Variants in ZNF512B observed in about 807,000 individuals in gnomAD.
The protein encoded by ZNF512B is zinc finger protein 512B.
Under a neutral mutation model 87.8 loss-of-function variants are expected in ZNF512B, and 22 were observed. The ratio of observed to expected loss-of-function variants is 0.25; its 90% CI spans 0.18 to 0.36. The LOEUF is 0.36. Among genes scored for constraint, ZNF512B ranks in the 10% least tolerant of loss-of-function variants. ZNF512B has a pLI of 1.00. For missense variants in ZNF512B, 1,060 were observed against 1,231.6 expected, an observed-to-expected ratio of 0.86 and a Z score of 2.09; for synonymous variants, 524 against 490.9, an observed-to-expected ratio of 1.07 and a Z score of -0.89.
At chr20:63,968,068 G>A (rs2058946357) in intron 1 of ZNF512B, 116 bp from the exon 2 acceptor site, 6 of 1,319,780 alleles carry the variant, frequency 4.5e-6, no homozygotes, top group South Asian at 2.8e-5. Context: ...AGAGGGGCCT[G>A]CCTTCCTGTG....
In ZNF512B at chr20:63,964,398, C is replaced by T. The variant is rs2058896629; in HGVS notation, c.1262-7G>A. 1.2e-6 allele frequency: 2 copies of T among 1,613,782 alleles called. No individual in the cohort carries two copies. The highest frequency in any genetic ancestry group is 8.5e-7 in the Non-Finnish European group (1 of 1,179,880). On this transcript the variant is annotated splice_region_variant and splice_polypyrimidine_tract_variant and intron_variant, in intron 6 of 16. Coordinates refer to ENST00000369888, the MANE Select transcript of ZNF512B (RefSeq NM_020713.3). The stretch of plus-strand genomic sequence containing the variant: ...GGTGTTTTCTGTTTCCTTCCTGACT[C>T]GGGGAGAGAAAACGGGGGCCAAGAT...
chr20:63,956,941 A>G lies in ZNF512B; in HGVS notation c.*2947T>C, dbSNP rs2058728675. 6.6e-6 allele frequency: 1 copy of G among 152,582 alleles called. No individual in the cohort carries two copies. The highest frequency in any genetic ancestry group is 1.5e-5 in the Non-Finnish European group (1 of 68,042). The allele number at this position is 152,582 out of a possible 1,614,324, so 9.5% of individuals were successfully genotyped here. A position where few individuals can be genotyped will look rare whatever the true frequency, so the allele number is the denominator to read the frequency against. ...AGTGATAGCTGGAACCTCTTTCAAA[A>G]TGCACTTATGTACTGAGAACTGGCA... On this transcript the variant is annotated 3_prime_UTR_variant, in exon 17 of 17. Coordinates refer to ENST00000369888, the MANE Select transcript of ZNF512B (RefSeq NM_020713.3).
In ZNF512B at chr20:63,964,180, G is replaced by A. The variant is rs924395692; in HGVS notation, c.1371C>T (p.Arg457=). Reference sequence around the variant, plus strand: ...GGCCTGGCCCCTCCTGCTTCTTGGAGCGGTGAACTCGGGCCTTGTCCTCAG... The same window carrying A: ...GGCCTGGCCCCTCCTGCTTCTTGGAACGGTGAACTCGGGCCTTGTCCTCAG... ...VKAEDKARVH[R]SKKQEGPGPE... Residue 457 remains arginine (R), a synonymous_variant, in exon 8 of 17, where the codon CGC becomes CGT. Transcript: ENST00000369888. The A allele has an allele frequency of 6.3e-7, 1 of 1,599,080 alleles. No individual in the cohort carries two copies. Among genetic ancestry groups the A allele is most frequent in the South Asian group, 1.1e-5 (1 of 89,044 alleles).
intron 3 of ZNF512B, 67 bp downstream of exon 3, chr20:63,967,314 A>G: frequency 6.6e-7 from 1 of 1,522,800 alleles, no homozygotes; most frequent in Non-Finnish European, 8.8e-7. Context: ...AGGACAAATC[A>G]GGGCAGGGCA....
chr20:63,962,641 G>A lies in ZNF512B; in HGVS notation c.2109C>T (p.Ala703=), dbSNP rs1292963802. Residue 703 remains alanine (A), a synonymous_variant, in exon 13 of 17, where the codon GCC becomes GCT. Transcript: ENST00000369888. The stretch of plus-strand genomic sequence containing the variant: ...TCATGCGCCGCTTGGTCCAGTCGCG[G>A]GCCAGCTCGTCCTCCGCTATCTCCT... ...HLQEIAEDEL[A]RDWTKRRMKD... The A allele has an allele frequency of 1.9e-6, 3 of 1,607,084 alleles. No individual in the cohort carries two copies. Among genetic ancestry groups the A allele is most frequent in the African/African-American group, 2.7e-5 (2 of 74,876 alleles).
At chr20:63,969,458 G>A (rs2058958766) in intron 1 of ZNF512B, among the ~76,000 whole-genome samples, 1 of 151,522 alleles carries the variant, frequency 6.6e-6, no homozygotes, top group Non-Finnish European at 1.5e-5. Flanking sequence ...CCCGGCCCAG[G>A]CCTGGCGCGC....
intron 13 of ZNF512B, 28 bp from the exon 14 acceptor site, chr20:63,962,402 C>T: frequency 6.3e-7 from 1 of 1,598,676 alleles, no homozygotes; most frequent in Non-Finnish European, 8.5e-7. Flanking sequence ...CCAGGGTGAG[C>T]CTGAGGCCAG....
chr20:63,968,051 T>G lies in ZNF512B; in HGVS notation c.-2-99A>C, dbSNP rs2058946193. On this transcript the variant is annotated intron_variant, in intron 1 of 16. Transcript: ENST00000369888. ...CCTGCCCTTGGCAGGTCCTCTCTGG[T>G]CAGGGAAGAGGGGCCTGCCTTCCTG... 5 of 1,451,294 alleles carry G rather than the reference T, an allele frequency of 3.4e-6. No homozygotes were observed. The South Asian group carries it at 5.1e-5, about 15-fold the overall frequency. The allele number at this position is 1,451,294 out of a possible 1,614,324, so 89.9% of individuals were successfully genotyped here.
chr20:63,960,158 T>C lies in ZNF512B; in HGVS notation c.2428-19A>G. ...ACCAGTTCTGGGGAGAGAAAAGCGCTGATGAAGACCTGGGACTGGATGCTG... is the reference window on the plus strand; with the variant it reads ...ACCAGTTCTGGGGAGAGAAAAGCGCCGATGAAGACCTGGGACTGGATGCTG... On this transcript the variant is annotated intron_variant, in intron 16 of 16. Coordinates refer to ENST00000369888, the MANE Select transcript of ZNF512B (RefSeq NM_020713.3). The C allele has an allele frequency of 6.2e-7, 1 of 1,612,370 alleles. No individual in the cohort carries two copies. Among genetic ancestry groups the C allele is most frequent in the Non-Finnish European group, 8.5e-7 (1 of 1,179,334 alleles).
At chr20:63,969,188 G>A (rs2058956023) in intron 1 of ZNF512B, 7 of 985,292 alleles carry the variant, frequency 7.1e-6, no homozygotes, top group East Asian at 2.3e-4. Context: ...TGATGACCCC[G>A]GTGGCCTGGG....
In ZNF512B at chr20:63,962,787, G is replaced by A. The variant is rs773564195; in HGVS notation, c.1969-6C>T. ...TCTGTGGGCTCCTCAGGGGGCTGGA[G>A]GGCAGGAAGGCATGGAGGCTAGAGT... On this transcript the variant is annotated splice_region_variant and splice_polypyrimidine_tract_variant and intron_variant, in intron 12 of 16. Transcript: ENST00000369888. 13 of 1,589,610 alleles carry A rather than the reference G, an allele frequency of 8.2e-6. No homozygotes were observed. The South Asian group carries it at 1.5e-4, about 18-fold the overall frequency.
At position 63,963,259 on chromosome 20, in the gene ZNF512B, C is replaced by T. The variant is rs1185740713; in HGVS notation, c.1804G>A (p.Gly602Arg). 8.4e-6 allele frequency: 13 copies of T among 1,545,400 alleles called. No homozygotes were observed. The highest frequency in any genetic ancestry group is 5.8e-5 in the Admixed American group (3 of 51,518). ...GRLRCPQEGC[G>R]AAFSSLMGYQ... ...CCCATGAGGCTGGAGAAGGCAGCCCCGCAACCCTGGGGGTCAGGCCAGAGG... is the reference window on the plus strand; with the variant it reads ...CCCATGAGGCTGGAGAAGGCAGCCCTGCAACCCTGGGGGTCAGGCCAGAGG... Residue 602 changes from glycine to arginine, a missense_variant, in exon 12 of 17, where the codon GGG becomes AGG. Gly to Arg is a moderately radical substitution (Grantham distance 125, BLOSUM62 -2). Around this residue, in one of 9 missense-constraint regions of ZNF512B, gnomAD observed 165 missense variants for 173.0 expected, o/e 0.95. Transcript: ENST00000369888.
At chr20:63,969,659 G>C (rs2058960944) in intron 1 of ZNF512B, among the ~76,000 whole-genome samples, 155 bp downstream of exon 1, 1 of 145,340 alleles carries the variant, frequency 6.9e-6, no homozygotes, top group Non-Finnish European at 1.5e-5. Flanking sequence ...CAGGAAGACG[G>C]CGCCGGCGCG....
At chr20:63,967,642 C>G (rs183863212) in intron 2 of ZNF512B, 119 bp from the exon 3 acceptor site, 2 of 1,482,902 alleles carry the variant, frequency 1.3e-6, no homozygotes, top group African/African-American at 2.8e-5. Context: ...GCAGGGGCTG[C>G]GGCCAGCTGA....
chr20:63,959,635 G>A lies in ZNF512B; in HGVS notation c.*253C>T, dbSNP rs533611325. 2.0e-6 allele frequency: 1 copy of A among 506,002 alleles called. No homozygotes were observed. The highest frequency in any genetic ancestry group is 2.0e-5 in the African/African-American group (1 of 50,548). The allele number at this position is 506,002 out of a possible 1,614,324, so 31.3% of individuals were successfully genotyped here. A position where few individuals can be genotyped will look rare whatever the true frequency, so the allele number is the denominator to read the frequency against. The stretch of plus-strand genomic sequence containing the variant: ...GACCCCAGACACATTCCCATGAGGA[G>A]GGGCAACCCTCCTGGCTATTGCACT... On this transcript the variant is annotated 3_prime_UTR_variant, in exon 17 of 17. Transcript: ENST00000369888.
intron 12 of ZNF512B, 102 bp downstream of exon 12, chr20:63,962,993 C>T (rs1465743475): frequency 7.9e-6 from 11 of 1,398,018 alleles, no homozygotes; most frequent in East Asian, 5.0e-5. Context: ...GAAACACACG[C>T]GTTGGGCGGT....
In ZNF512B at chr20:63,963,268, G is replaced by A. The variant is rs751418396; in HGVS notation, c.1798-3C>T. 53 of 1,543,860 alleles carry A rather than the reference G, an allele frequency of 3.4e-5. No individual in the cohort carries two copies. The Admixed American group carries it at 9.9e-4, about 29-fold the overall frequency. ...CTGGAGAAGGCAGCCCCGCAACCCT[G>A]GGGGTCAGGCCAGAGGGTGGGTGAG... is the stretch of plus-strand genomic sequence containing the variant. On this transcript the variant is annotated splice_polypyrimidine_tract_variant and splice_region_variant and intron_variant, in intron 11 of 16. Transcript: ENST00000369888.
In ZNF512B at chr20:63,961,919, G is replaced by A. The variant is rs374675863; in HGVS notation, c.2328+23C>T. The A allele has an allele frequency of 1.7e-4, 258 of 1,549,984 alleles. No individual in the cohort carries two copies. Among genetic ancestry groups the A allele is most frequent in the Non-Finnish European group, 2.0e-4 (232 of 1,146,210 alleles). On this transcript the variant is annotated intron_variant, in intron 15 of 16. Transcript: ENST00000369888. This position sits in a 1 kb window ranked among gnomAD's most constrained non-coding sequence, Gnocchi z 6.4. ...AGCTCTGAGTGCAGCGCACCTGGCC[G>A]TGGGGCAGGCCCCAGAACTGACCTT...
rs754186892 is a variant in ZNF512B at position 63,967,984 on chromosome 20, G to A, written c.-2-32C>T. The A allele has an allele frequency of 3.2e-6, 5 of 1,583,674 alleles. No individual in the cohort carries two copies. The Admixed American group carries it at 5.0e-5, about 16-fold the overall frequency. On this transcript the variant is annotated intron_variant, in intron 1 of 16. Coordinates refer to ENST00000369888, the MANE Select transcript of ZNF512B (RefSeq NM_020713.3). Reference sequence around the variant, plus strand: ...AGCAAGTAGACAATCTGTGAAGCCTGACGGGCCCCACTTGGAACACGTGGT... The same window carrying A: ...AGCAAGTAGACAATCTGTGAAGCCTAACGGGCCCCACTTGGAACACGTGGT...
Sources: allele counts gnomAD v4.1 joint callset (sites outside exome capture counted in the v4.1 genomes callset), GRCh38; gene constraint gnomAD v4.1.1; regional missense constraint gnomAD v4.1.1; non-coding constraint Gnocchi (gnomAD v3.1); transcripts MANE v1.5; gene names NCBI Gene and HGNC (gene_info 2026-07-23, HGNC 2026-07-21).